Variants in DNM2 observed in about 807,000 individuals in gnomAD.
The protein encoded by DNM2 is dynamin-2.
A neutral mutation model predicts 99.0 loss-of-function variants in DNM2; 15 were observed. The observed-to-expected ratio is 0.15, with a 90% CI of 0.10 to 0.23. The LOEUF is 0.23. Among genes scored for constraint, DNM2 ranks in the 10% least tolerant of loss-of-function variants. The pLI is 1.00. For synonymous variants in DNM2, 525 were observed against 481.2 expected, an observed-to-expected ratio of 1.09 and a Z score of -1.19; for missense variants, 742 against 1,189.4, an observed-to-expected ratio of 0.62 and a Z score of 5.53.
intron 2 of DNM2, among the ~76,000 whole-genome samples, chr19:10,771,574 GCCATGAGAAATAC>G (rs1367965815): frequency 1.3e-5 from 2 of 152,174 alleles, no homozygotes; most frequent in African/African-American, 4.8e-5. Context: ...ACAAGTGAGT[GCCATGAGAAATAC>G]CCCTGGGGAT....
intron 1 of DNM2, among the ~76,000 whole-genome samples, chr19:10,730,765 C>T (rs2069285558): frequency 6.6e-6 from 1 of 152,200 alleles, no homozygotes; most frequent in African/African-American, 2.4e-5. Flanking sequence ...GCGTCCCCTC[C>T]AGGGTGGGAG....
chr19:10,721,015 G>C (rs923601876), intron 1 of DNM2, among the ~76,000 whole-genome samples: 6 of 151,954 alleles, frequency 3.9e-5, no homozygotes, highest in African/African-American at 1.5e-4. Context: ...TGGGAACCTG[G>C]GTCTCTCTCC....
chr19:10,740,006 T>C (rs186141211), intron 1 of DNM2, among the ~76,000 whole-genome samples: 20 of 152,218 alleles, frequency 1.3e-4, no homozygotes, highest in Admixed American at 1.2e-3. Flanking sequence ...TCAGTTTCAG[T>C]AATTTGGGTC....
At chr19:10,782,464 T>C (rs948072633) in intron 5 of DNM2, among the ~76,000 whole-genome samples, 4 of 152,032 alleles carry the variant, frequency 2.6e-5, no homozygotes, top group African/African-American at 9.7e-5. Context: ...GTTCAAGCGG[T>C]TCTCCTGCCT....
chr19:10,734,897 T>G (rs2069468304), intron 1 of DNM2, among the ~76,000 whole-genome samples: 1 of 150,948 alleles, frequency 6.6e-6, no homozygotes. Flanking sequence ...CCTTCCTTGT[T>G]TTTTATAACC....
chr19:10,787,375 G>A (rs764403616), intron 7 of DNM2, among the ~76,000 whole-genome samples: 11 of 151,928 alleles, frequency 7.2e-5, no homozygotes, highest in Non-Finnish European at 1.0e-4. Flanking sequence ...GGAGGCTGAG[G>A]CAGGAGAATG....
chr19:10,748,350 C>A (rs545567807), intron 1 of DNM2, among the ~76,000 whole-genome samples: 1 of 152,096 alleles, frequency 6.6e-6, no homozygotes. Context: ...GCAGGACTCG[C>A]GGCTGGACAA....
chr19:10,759,648 A>C, intron 1 of DNM2, 90 bp from the exon 2 acceptor site: 1 of 1,544,876 alleles, frequency 6.5e-7, no homozygotes, highest in Non-Finnish European at 8.9e-7. Flanking sequence ...CCCAAATTGC[A>C]AGACAGAGTT....
chr19:10,824,749 C>T (rs1159715374), intron 17 of DNM2: 6 of 422,624 alleles, frequency 1.4e-5, no homozygotes, highest in East Asian at 4.7e-5. Flanking sequence ...GTTGAGGCTG[C>T]GGTGAACTGT....
chr19:10,762,885 G>C (rs1352734658), intron 2 of DNM2, among the ~76,000 whole-genome samples: 1 of 152,152 alleles, frequency 6.6e-6, no homozygotes, highest in African/African-American at 2.4e-5. Flanking sequence ...GCTGGAAGGG[G>C]TGGGGGCAGG....
At chr19:10,747,014 G>A (rs980768866) in intron 1 of DNM2, among the ~76,000 whole-genome samples, 6 of 151,506 alleles carry the variant, frequency 4.0e-5, no homozygotes, top group Non-Finnish European at 1.5e-5. Flanking sequence ...TGAGATTACA[G>A]GCATGAGCCA....
At chr19:10,825,335 G>A in intron 18 of DNM2, 114 bp downstream of exon 18, 2 of 1,455,284 alleles carry the variant, frequency 1.4e-6, no homozygotes, top group Non-Finnish European at 1.9e-6. Context: ...AGGAGTTCAA[G>A]ACCAGCCTGG....
chr19:10,745,145 A>G (rs1339278660), intron 1 of DNM2, among the ~76,000 whole-genome samples: 1 of 152,220 alleles, frequency 6.6e-6, no homozygotes, highest in Non-Finnish European at 1.5e-5. Context: ...ATGTGCGGAA[A>G]AAAAACCCGA....
intron 1 of DNM2, among the ~76,000 whole-genome samples, chr19:10,728,182 T>G (rs536552380): frequency 6.6e-6 from 1 of 152,316 alleles, no homozygotes; most frequent in Admixed American, 6.5e-5. Flanking sequence ...TGGACATTTA[T>G]GATGTTAAGA....
intron 15 of DNM2, among the ~76,000 whole-genome samples, chr19:10,819,140 A>G (rs1184734582): frequency 6.6e-6 from 1 of 152,148 alleles, no homozygotes; most frequent in African/African-American, 2.4e-5. Context: ...AAAGCAAGTG[A>G]TAGGGCAGGT....
chr19:10,780,630 CCTT>C (rs2145947812), intron 5 of DNM2, among the ~76,000 whole-genome samples: 1 of 152,292 alleles, frequency 6.6e-6, no homozygotes, highest in East Asian at 1.9e-4. Flanking sequence ...AACTCCTCCT[CCTT>C]TACGGGAACC....
chr19:10,803,698 C>T (rs145263258), intron 12 of DNM2: 1 of 986,362 alleles, frequency 1.0e-6, no homozygotes, highest in East Asian at 1.1e-4. Context: ...TGCCTTTGCC[C>T]TGGTGTGTGA....
At chr19:10,733,923 G>A (rs2069427243) in intron 1 of DNM2, among the ~76,000 whole-genome samples, 2 of 151,894 alleles carry the variant, frequency 1.3e-5, no homozygotes, top group African/African-American at 4.8e-5. Context: ...CAGGAGAATT[G>A]CTTAAACCTG....
At chr19:10,756,154 AAG>A (rs2070374465) in intron 1 of DNM2, among the ~76,000 whole-genome samples, 2 of 152,094 alleles carry the variant, frequency 1.3e-5, no homozygotes, top group South Asian at 4.1e-4. Context: ...GGGCCATGCT[AAG>A]AGGTGACTTT....
Sources: gnomAD v4.1 joint callset for allele counts (sites outside exome capture counted in the v4.1 genomes callset) on GRCh38, gnomAD v4.1.1 for gene constraint, MANE v1.5 for transcripts, NCBI Gene and HGNC (gene_info 2026-07-23, HGNC 2026-07-21) for gene names.